Variants in DENND1A observed in about 807,000 individuals in gnomAD.
DENND1A encodes the protein DENN domain containing 1A.
A neutral mutation model predicts 113.7 loss-of-function variants in DENND1A; 51 were observed. The observed-to-expected ratio is 0.45, with a 90% CI of 0.36 to 0.57. The LOEUF (loss-of-function observed/expected upper bound fraction) is 0.57. Ranked by LOEUF, DENND1A falls within the 20% of genes least tolerant of loss-of-function variation. The pLI is 0.00. For synonymous variants in DENND1A, 565 were observed against 570.8 expected (o/e 0.99, Z 0.14); for missense variants, 1,258 against 1,395.9 (o/e 0.90, Z 1.57).
At chr9:123,640,459 A>C (rs1402515232) in intron 9 of DENND1A, among the ~76,000 whole-genome samples, 1 of 152,230 alleles carries the variant, frequency 6.6e-6, no homozygotes, top group Non-Finnish European at 1.5e-5. Flanking sequence ...CATTTATTCA[A>C]TGACTAAATG....
intron 23 of DENND1A, 80 bp from the exon 24 acceptor site, chr9:123,382,705 G>T: frequency 7.0e-7 from 1 of 1,420,776 alleles, no homozygotes; most frequent in East Asian, 2.4e-5. Context: ...CCACTTCTGT[G>T]TGCTGAATGT....
chr9:123,620,235 A>AAAAAAAAAAC (rs2060886952), intron 10 of DENND1A, among the ~76,000 whole-genome samples: 1 of 142,924 alleles, frequency 7.0e-6, no homozygotes, highest in African/African-American at 2.6e-5. Context: ...AAAAAAAAAA[A>AAAAAAAAAAC]AAAGAAAAGA....
chr9:123,386,851 CA>C, intron 22 of DENND1A, among the ~76,000 whole-genome samples: 1 of 152,276 alleles, frequency 6.6e-6, no homozygotes, highest in Admixed American at 6.5e-5. Flanking sequence ...CAGGCCATCC[CA>C]GGGGGAGGGA....
At chr9:123,538,672 A>T (rs1176782230) in intron 13 of DENND1A, among the ~76,000 whole-genome samples, 4 of 149,998 alleles carry the variant, frequency 2.7e-5, no homozygotes, top group African/African-American at 9.8e-5. Flanking sequence ...ATTAAAAGTA[A>T]TTAAATAAAA....
intron 8 of DENND1A, among the ~76,000 whole-genome samples, chr9:123,660,047 A>G (rs1004458858): frequency 6.6e-6 from 1 of 152,224 alleles, no homozygotes; most frequent in African/African-American, 2.4e-5. Context: ...CATGAATAGA[A>G]CACATCAATT....
intron 12 of DENND1A, among the ~76,000 whole-genome samples, chr9:123,560,981 G>C (rs995089571): frequency 2.0e-5 from 3 of 152,132 alleles, no homozygotes; most frequent in Admixed American, 6.5e-5. Context: ...TGAAAAAGCA[G>C]CATGCTCTAT....
intron 2 of DENND1A, among the ~76,000 whole-genome samples, chr9:123,841,165 A>G (rs1841773999): frequency 6.6e-6 from 1 of 152,206 alleles, no homozygotes; most frequent in African/African-American, 2.4e-5. Flanking sequence ...AGTGCTTTCC[A>G]GAGAGACCCT....
intron 2 of DENND1A, among the ~76,000 whole-genome samples, chr9:123,835,320 G>A (rs915779839): frequency 6.6e-6 from 1 of 152,098 alleles, no homozygotes; most frequent in African/African-American, 2.4e-5. Context: ...CTAGCTGAAT[G>A]GGTTTCTGGT....
chr9:123,382,678 G>A, intron 23 of DENND1A, 53 bp from the exon 24 acceptor site: 1 of 1,556,180 alleles, frequency 6.4e-7, no homozygotes, highest in East Asian at 2.3e-5. Flanking sequence ...TGGGACATAT[G>A]TGTGCCCATT....
At chr9:123,713,093 G>A (rs1254536646) in intron 5 of DENND1A, among the ~76,000 whole-genome samples, 1 of 152,216 alleles carries the variant, frequency 6.6e-6, no homozygotes, top group Non-Finnish European at 1.5e-5. Flanking sequence ...TTGAAGAGAA[G>A]TATGCAGAAA....
intron 13 of DENND1A, among the ~76,000 whole-genome samples, chr9:123,516,231 T>C (rs1361832371): frequency 6.6e-6 from 1 of 151,844 alleles, no homozygotes; most frequent in African/African-American, 2.4e-5. Flanking sequence ...TGAAGCTGTG[T>C]GATGGGTACA....
At chr9:123,652,637 G>A (rs964069182) in intron 8 of DENND1A, among the ~76,000 whole-genome samples, 4 of 152,282 alleles carry the variant, frequency 2.6e-5, no homozygotes, top group East Asian at 1.9e-4. Context: ...TGCCACCCAC[G>A]AAGGCCAGGC....
chr9:123,534,750 C>G lies in DENND1A; in HGVS notation c.993+22820G>C, dbSNP rs563801958. Among the ~76,000 whole-genome samples the G allele has an allele frequency of 8.5e-5, 13 of 152,300 alleles. No individual in the cohort carries two copies. The East Asian group carries it at 1.9e-3, about 23-fold the overall frequency. On this transcript the variant is annotated intron_variant, in intron 13 of 23. Coordinates refer to ENST00000394215, the MANE Select transcript of DENND1A (RefSeq NM_001352964.2). ...GAGTGTATTTTCCTAAGTTTATAAA[C>G]CATTCATGTTAACTCTCCTGTGAAA...
intron 20 of DENND1A, among the ~76,000 whole-genome samples, chr9:123,407,262 C>T (rs891857184): frequency 6.6e-6 from 1 of 152,048 alleles, no homozygotes; most frequent in South Asian, 2.1e-4. Context: ...AGCATGGCTG[C>T]CGACCCACCC....
At chr9:123,696,169 C>T (rs2065506719) in intron 5 of DENND1A, among the ~76,000 whole-genome samples, 1 of 152,170 alleles carries the variant, frequency 6.6e-6, no homozygotes, top group Non-Finnish European at 1.5e-5. Flanking sequence ...CATTCAATTA[C>T]ACGATTTCAG....
chr9:123,618,160 A>G (rs7855648), intron 10 of DENND1A, among the ~76,000 whole-genome samples: 65,468 of 152,022 alleles, frequency 0.43, 14,687 homozygotes, highest in African/African-American at 0.55. Context: ...GCACCTGAAA[A>G]AGGCAGGCAC....
At chr9:123,514,209 T>C (rs2053704212) in intron 13 of DENND1A, among the ~76,000 whole-genome samples, 1 of 151,720 alleles carries the variant, frequency 6.6e-6, no homozygotes. Context: ...TTATCAGACC[T>C]TGAATGGTGC....
chr9:123,457,266 G>A, intron 15 of DENND1A, 82 bp downstream of exon 15: 5 of 1,066,126 alleles, frequency 4.7e-6, no homozygotes, highest in Non-Finnish European at 7.3e-6. Flanking sequence ...TAAAGGAAAA[G>A]CAAGTCACTG....
At chr9:123,865,201 A>T (rs560376139) in intron 2 of DENND1A, among the ~76,000 whole-genome samples, 1 of 152,346 alleles carries the variant, frequency 6.6e-6, no homozygotes, top group South Asian at 2.1e-4. Context: ...AAAATGTAGC[A>T]GTGGTCAGCT....
Sources: gnomAD v4.1 joint callset for allele counts (sites outside exome capture counted in the v4.1 genomes callset) on GRCh38, gnomAD v4.1.1 for gene constraint, MANE v1.5 for transcripts, NCBI Gene and HGNC (gene_info 2026-07-23, HGNC 2026-07-21) for gene names.